LSM1: variants seen among roughly 807,000 people sequenced by gnomAD.
LSM1 encodes the protein U6 snRNA-associated Sm-like protein LSm1.
In LSM1, 13 loss-of-function variants were observed where a neutral mutation model predicts 18.0. That is an observed-to-expected ratio of 0.72 (90% CI 0.47 to 1.15). The LOEUF is 1.15. Ranked by LOEUF, LSM1 falls within the 50% of genes most tolerant of loss-of-function variation. The pLI, the probability that LSM1 is intolerant of heterozygous loss-of-function variation, is 0.00. For missense variants in LSM1, 152 were observed against 157.7 expected, an observed-to-expected ratio of 0.96 and a Z score of 0.19; for synonymous variants, 46 against 56.0, an observed-to-expected ratio of 0.82 and a Z score of 0.80.
At chr8:38,166,325 G>GCCC (rs1802929121) in intron 3 of LSM1, among the ~76,000 whole-genome samples, 1 of 152,040 alleles carries the variant, frequency 6.6e-6, no homozygotes, top group Non-Finnish European at 1.5e-5. Flanking sequence ...TTGCTATGTT[G>GCCC]CCCAGGCTGG....
intron 1 of LSM1, among the ~76,000 whole-genome samples, chr8:38,175,081 GA>G (rs1440900036): frequency 7.4e-6 from 1 of 135,986 alleles, no homozygotes; most frequent in African/African-American, 2.7e-5. Flanking sequence ...ACCATAAAAT[GA>G]TTTTTTTTTT....
rs1802878319 is a variant in LSM1, at chr8:38,163,656, C to A, written c.*14G>T. On this transcript the variant is annotated 3_prime_UTR_variant, in exon 4 of 4. Transcript: ENST00000311351. Reference sequence around the variant, plus strand: ...CCCCTACTCTTCAAGAGCCAACAGCCTCTGGGCAAAAGATTAGTACTCATC... The same window carrying A: ...CCCCTACTCTTCAAGAGCCAACAGCATCTGGGCAAAAGATTAGTACTCATC... 1.9e-6 allele frequency: 3 copies of A among 1,613,466 alleles called. No homozygotes were observed. Among genetic ancestry groups the A allele is most frequent in the Non-Finnish European group, 2.5e-6 (3 of 1,179,626 alleles).
At chr8:38,173,789 A>C (rs1174162715) in intron 1 of LSM1, among the ~76,000 whole-genome samples, 3 of 152,260 alleles carry the variant, frequency 2.0e-5, no homozygotes, top group Admixed American at 6.5e-5. Flanking sequence ...AAAACCAAAG[A>C]CATCAAGATT....
intron 3 of LSM1, among the ~76,000 whole-genome samples, chr8:38,166,851 G>A (rs1463509339): frequency 1.3e-5 from 2 of 152,124 alleles, no homozygotes; most frequent in South Asian, 2.1e-4. Flanking sequence ...CAGTGTTCTC[G>A]GCCTAATGCA....
At chr8:38,176,676 C>T (rs7000184), upstream of LSM1, 4,413 of 656,400 alleles carry the variant, frequency 6.7e-3, 159 homozygotes, top group African/African-American at 0.073. Flanking sequence ...TCCGGGTTCC[C>T]GAGACCCCAG....
intron 2 of LSM1, among the ~76,000 whole-genome samples, 157 bp downstream of exon 2, chr8:38,171,808 G>C (rs1486208378): frequency 6.6e-6 from 1 of 152,184 alleles, no homozygotes; most frequent in Non-Finnish European, 1.5e-5. Flanking sequence ...CACCTAATCT[G>C]AATGTATAGA....
chr8:38,169,202 T>G (rs1250117503), intron 3 of LSM1, among the ~76,000 whole-genome samples: 1 of 151,870 alleles, frequency 6.6e-6, no homozygotes, highest in African/African-American at 2.4e-5. Context: ...CTAGTAGGGG[T>G]GTGTGTGTGT....
intron 1 of LSM1, among the ~76,000 whole-genome samples, chr8:38,174,107 T>G (rs1179129322): frequency 6.6e-6 from 1 of 152,120 alleles, no homozygotes; most frequent in Non-Finnish European, 1.5e-5. Context: ...AAAATTAGAT[T>G]GCAGGAGTAA....
At chr8:38,167,783 A>G (rs1455160743) in intron 3 of LSM1, among the ~76,000 whole-genome samples, 1 of 152,070 alleles carries the variant, frequency 6.6e-6, no homozygotes, top group Non-Finnish European at 1.5e-5. Flanking sequence ...GCACAGTGGC[A>G]TGTACCTATA....
chr8:38,175,564 C>A (rs1162552812), intron 1 of LSM1, among the ~76,000 whole-genome samples: 1 of 152,070 alleles, frequency 6.6e-6, no homozygotes, highest in East Asian at 1.9e-4. Flanking sequence ...GCCAGAACAA[C>A]TGCAGACGGT....
chr8:38,175,025 CAAAA>C (rs1203614273), intron 1 of LSM1, among the ~76,000 whole-genome samples: 1 of 57,096 alleles, frequency 1.8e-5, no homozygotes. Flanking sequence ...GACTCTGTCT[CAAAA>C]AAAAAAAAAA....
At chr8:38,170,322 C>A (rs1803004131) in intron 2 of LSM1, among the ~76,000 whole-genome samples, 1 of 152,188 alleles carries the variant, frequency 6.6e-6, no homozygotes, top group African/African-American at 2.4e-5. Context: ...CAGGCGTGAG[C>A]CACAGTGCCG....
chr8:38,171,129 G>T (rs184335601), intron 2 of LSM1: 4 of 245,992 alleles, frequency 1.6e-5, no homozygotes, highest in Non-Finnish European at 2.6e-5. Flanking sequence ...CTTAATGTTG[G>T]GGTCCTTAAA....
chr8:38,169,580 G>A (rs1802990667), intron 3 of LSM1, among the ~76,000 whole-genome samples: 1 of 152,140 alleles, frequency 6.6e-6, no homozygotes, highest in Non-Finnish European at 1.5e-5. Context: ...TATAAATCAA[G>A]CTTTGTCAAT....
chr8:38,164,625 C>T (rs1802899705), intron 3 of LSM1, among the ~76,000 whole-genome samples: 1 of 150,956 alleles, frequency 6.6e-6, no homozygotes, highest in Admixed American at 6.6e-5. Flanking sequence ...AGTTCGAGAC[C>T]AGCCTGGGCA....
At chr8:38,174,648 T>C (rs1437321530) in intron 1 of LSM1, among the ~76,000 whole-genome samples, 2 of 152,130 alleles carry the variant, frequency 1.3e-5, no homozygotes, top group South Asian at 2.1e-4. Flanking sequence ...ACGTAACAGG[T>C]TCATATAGAT....
chr8:38,176,158 A>C, intron 1 of LSM1, 117 bp downstream of exon 1: 1 of 783,900 alleles, frequency 1.3e-6, no homozygotes, highest in Non-Finnish European at 2.1e-6. Context: ...GCCCGGATTG[A>C]GCTCAGAACA....
intron 1 of LSM1, chr8:38,175,946 C>T (rs1803127868): frequency 7.2e-6 from 2 of 277,302 alleles, no homozygotes; most frequent in South Asian, 5.7e-5. Context: ...CAGGAGTGGA[C>T]GGGGGAGAAG....
intron 1 of LSM1, 88 bp downstream of exon 1, chr8:38,176,187 C>T (rs1803139314): frequency 6.2e-6 from 7 of 1,131,926 alleles, no homozygotes; most frequent in Non-Finnish European, 9.3e-6. Context: ...CCGCCCGGGA[C>T]TCATTCTACA....
Sources: allele counts gnomAD v4.1 joint callset (sites outside exome capture counted in the v4.1 genomes callset), GRCh38; gene constraint gnomAD v4.1.1; transcripts MANE v1.5; gene names NCBI Gene and HGNC (gene_info 2026-07-23, HGNC 2026-07-21).